SLC8A1: variants seen among roughly 807,000 people sequenced by gnomAD.
SLC8A1 encodes solute carrier family 8 member A1.
In SLC8A1, 18 loss-of-function variants were observed where a neutral mutation model predicts 68.3. The ratio of observed to expected loss-of-function variants is 0.26; its 90% CI spans 0.18 to 0.39. SLC8A1 has a LOEUF of 0.39. Ranked by LOEUF, SLC8A1 falls within the 10% of genes least tolerant of loss-of-function variation. The probability of loss-of-function intolerance (pLI) is 1.00; values close to 1 mark genes in which losing one functional copy is unlikely to be tolerated. For synonymous variants in SLC8A1, 475 were observed against 415.5 expected, an observed-to-expected ratio of 1.14 and a Z score of -1.74; for missense variants, 985 against 1,156.7, an observed-to-expected ratio of 0.85 and a Z score of 2.15.
chr2:40,360,883 T>C (rs1050136661), intron 2 of SLC8A1, among the ~76,000 whole-genome samples: 1 of 152,142 alleles, frequency 6.6e-6, no homozygotes, highest in Non-Finnish European at 1.5e-5. Context: ...GGGCACCTCC[T>C]TGTAAATCTA....
At chr2:40,307,051 T>C (rs771519422) in intron 2 of SLC8A1, among the ~76,000 whole-genome samples, 5 of 152,096 alleles carry the variant, frequency 3.3e-5, no homozygotes, top group Non-Finnish European at 7.4e-5. Context: ...TGCTCATCCA[T>C]GTTCATAGCA....
At chr2:40,306,551 A>G (rs1490325709) in intron 2 of SLC8A1, among the ~76,000 whole-genome samples, 2 of 152,234 alleles carry the variant, frequency 1.3e-5, no homozygotes, top group Admixed American at 6.5e-5. Flanking sequence ...AATCCAAAAT[A>G]GGCCAATGGG....
chr2:40,241,203 A>G (rs992741932), intron 2 of SLC8A1, among the ~76,000 whole-genome samples: 1 of 152,226 alleles, frequency 6.6e-6, no homozygotes, highest in Non-Finnish European at 1.5e-5. Context: ...TTGCAGTGAT[A>G]TGGATGCAAG....
intron 2 of SLC8A1, among the ~76,000 whole-genome samples, chr2:40,283,190 T>A (rs1163426875): frequency 3.3e-5 from 5 of 152,332 alleles, no homozygotes; most frequent in East Asian, 3.9e-4. Flanking sequence ...TCCTTTTTGT[T>A]CTCTAATGAG....
chr2:40,101,046 A>C (rs2033862115), exon 8 of SLC8A1: 2 of 152,176 alleles, frequency 1.3e-5, no homozygotes, highest in Non-Finnish European at 2.9e-5. Context: ...TTCAGGTTAG[A>C]ATTCAGGAAA....
chr2:40,360,790 C>G (rs574094920), intron 2 of SLC8A1, among the ~76,000 whole-genome samples: 2 of 152,280 alleles, frequency 1.3e-5, no homozygotes, highest in South Asian at 4.1e-4. Flanking sequence ...TTACAAAGAT[C>G]TCTCTAGCAT....
intron 2 of SLC8A1, among the ~76,000 whole-genome samples, chr2:40,183,024 C>T (rs379804): frequency 0.77 from 116,512 of 152,100 alleles, 45,431 homozygotes; most frequent in Middle Eastern, 0.84. Context: ...TAAGGTTTAC[C>T]CTCTCCTTAG....
At chr2:40,468,537 TAA>T (rs1291208196) in intron 1 of SLC8A1, among the ~76,000 whole-genome samples, 1 of 152,182 alleles carries the variant, frequency 6.6e-6, no homozygotes, top group African/African-American at 2.4e-5. Context: ...TCTGCTTAAT[TAA>T]AAGTTACTTT....
chr2:40,257,383 G>GAA (rs74377502), intron 2 of SLC8A1, among the ~76,000 whole-genome samples: 4 of 151,126 alleles, frequency 2.6e-5, no homozygotes, highest in South Asian at 2.1e-4. Flanking sequence ...TGAAACTCCT[G>GAA]AAAAAATCAA....
chr2:40,508,338 T>A (rs1253750236), intron 1 of SLC8A1, among the ~76,000 whole-genome samples: 2 of 147,182 alleles, frequency 1.4e-5, no homozygotes, highest in African/African-American at 5.0e-5. Context: ...CGACACTTCC[T>A]AGAAAGGTAA....
chr2:40,377,003 T>C (rs1449658156), intron 2 of SLC8A1, among the ~76,000 whole-genome samples: 1 of 152,102 alleles, frequency 6.6e-6, no homozygotes, highest in East Asian at 1.9e-4. Flanking sequence ...ACTTGCTTCT[T>C]ATGAATAGAA....
At chr2:40,225,428 A>G (rs1308035440) in intron 2 of SLC8A1, among the ~76,000 whole-genome samples, 1 of 152,156 alleles carries the variant, frequency 6.6e-6, no homozygotes. Flanking sequence ...ATTAATGGCT[A>G]CTAATAGTTT....
intron 1 of SLC8A1, among the ~76,000 whole-genome samples, chr2:40,477,242 C>T (rs1458011720): frequency 1.3e-5 from 2 of 151,108 alleles, no homozygotes; most frequent in African/African-American, 2.5e-5. Flanking sequence ...TATCTGATAT[C>T]TGAAGAAAAC....
intron 2 of SLC8A1, among the ~76,000 whole-genome samples, chr2:40,234,647 G>A (rs1245507521): frequency 2.0e-5 from 3 of 152,190 alleles, no homozygotes; most frequent in Non-Finnish European, 2.9e-5. Flanking sequence ...TTGAATAGGA[G>A]TGGTGAGAGA....
At chr2:40,166,158 C>T (rs749352050) in intron 4 of SLC8A1, among the ~76,000 whole-genome samples, 2 of 152,148 alleles carry the variant, frequency 1.3e-5, no homozygotes. Flanking sequence ...GTCCATACCT[C>T]CCATTACCTC....
At chr2:40,289,816 G>A (rs1286796724) in intron 2 of SLC8A1, among the ~76,000 whole-genome samples, 3 of 151,916 alleles carry the variant, frequency 2.0e-5, no homozygotes, top group Admixed American at 6.6e-5. Context: ...AGCCGAGATC[G>A]TGCCACTGCA....
At chr2:40,278,339 C>T (rs1308649538) in intron 2 of SLC8A1, among the ~76,000 whole-genome samples, 3 of 151,804 alleles carry the variant, frequency 2.0e-5, no homozygotes, top group South Asian at 4.2e-4. Context: ...CATGGTGGTG[C>T]GCACCTGTAA....
At chr2:40,256,010 C>G (rs1278349763) in intron 2 of SLC8A1, among the ~76,000 whole-genome samples, 1 of 152,194 alleles carries the variant, frequency 6.6e-6, no homozygotes, top group East Asian at 1.9e-4. Context: ...GCAATGCTGA[C>G]AGGCCCTGGG....
At chr2:40,111,640 T>C (rs905050982) in exon 8 of SLC8A1, 1 of 152,186 alleles carries the variant, frequency 6.6e-6, no homozygotes, top group African/African-American at 2.4e-5. Flanking sequence ...GCTTATTCCA[T>C]TTCTGACATC....
Sources: gnomAD v4.1 joint callset for allele counts (sites outside exome capture counted in the v4.1 genomes callset) on GRCh38, gnomAD v4.1.1 for gene constraint, MANE v1.5 for transcripts, NCBI Gene and HGNC (gene_info 2026-07-23, HGNC 2026-07-21) for gene names.